Variants in IL18RAP observed in about 807,000 individuals in gnomAD.
IL18RAP encodes interleukin 18 receptor accessory protein.
A neutral mutation model predicts 58.1 loss-of-function variants in IL18RAP; 37 were observed. That is an observed-to-expected ratio of 0.64 (90% CI 0.49 to 0.84). The LOEUF (loss-of-function observed/expected upper bound fraction) is 0.84, where lower values mean the gene tolerates loss of function less well. Among genes scored for constraint, IL18RAP ranks in the 40% least tolerant of loss-of-function variants. The probability of loss-of-function intolerance (pLI) is 0.00; values close to 1 mark genes in which losing one functional copy is unlikely to be tolerated. For missense variants in IL18RAP, 667 were observed against 704.8 expected (o/e 0.95, Z 0.61); for synonymous variants, 268 against 257.5 (o/e 1.04, Z -0.39).
chr2:102,451,707 C>A, intron 9 of IL18RAP, 59 bp from the exon 10 acceptor site: 1 of 1,393,304 alleles, frequency 7.2e-7, no homozygotes. Context: ...ATTGCAAGGA[C>A]CTCTCTGACT....
chr2:102,432,599 T>A (rs1165398049), intron 3 of IL18RAP, among the ~76,000 whole-genome samples: 1 of 152,084 alleles, frequency 6.6e-6, no homozygotes, highest in Non-Finnish European at 1.5e-5. Flanking sequence ...GTGGGCTTGA[T>A]CTTACCCCTG....
At chr2:102,442,752 T>A (rs1683182418) in intron 5 of IL18RAP, among the ~76,000 whole-genome samples, 1 of 152,184 alleles carries the variant, frequency 6.6e-6, no homozygotes, top group Non-Finnish European at 1.5e-5. Flanking sequence ...ATAATTTTTT[T>A]ATTTAAACCA....
chr2:102,436,819 G>GTGTATATATA (rs1553404995), intron 3 of IL18RAP, among the ~76,000 whole-genome samples: 117 of 149,984 alleles, frequency 7.8e-4, no homozygotes, highest in African/African-American at 2.7e-3. Flanking sequence ...GTGTGTGTGT[G>GTGTATATATA]TATATATATA....
intron 2 of IL18RAP, 32 bp downstream of exon 2, chr2:102,424,167 A>G: frequency 6.2e-7 from 1 of 1,606,568 alleles, no homozygotes; most frequent in East Asian, 2.2e-5. Flanking sequence ...ATCTGAAAAC[A>G]TTTCCAAATC....
Position 102,441,164 on chromosome 2 carries a change from C to T in IL18RAP, c.731-148C>T, listed in dbSNP as rs745906079. ...GGGGGCAAGCTTTTTACATGGAAACCGGAATTCCTAACTTACAGGTAATTA... is the reference window on the plus strand; with the variant it reads ...GGGGGCAAGCTTTTTACATGGAAACTGGAATTCCTAACTTACAGGTAATTA... On this transcript the variant is annotated intron_variant, in intron 4 of 9. Coordinates refer to ENST00000687160, the MANE Select transcript of IL18RAP (RefSeq NM_001393487.1). 105 of 583,834 alleles carry T rather than the reference C, an allele frequency of 1.8e-4. 1 individual carries two copies. The South Asian group carries it at 1.8e-3, about 10-fold the overall frequency. 36.2% of individuals were successfully genotyped at this position (583,834 alleles called of 1,614,324 possible).
chr2:102,443,349 T>C (rs141220224), intron 6 of IL18RAP, 26 bp downstream of exon 6: 1 of 1,606,862 alleles, frequency 6.2e-7, no homozygotes, highest in Non-Finnish European at 8.5e-7. Context: ...ACGGATTCTG[T>C]TCTCTGCAAT....
At chr2:102,442,434 C>T (rs1464652407) in intron 5 of IL18RAP, among the ~76,000 whole-genome samples, 1 of 151,958 alleles carries the variant, frequency 6.6e-6, no homozygotes, top group Admixed American at 6.6e-5. Flanking sequence ...CTAGAAATAG[C>T]ACTAACTATG....
chr2:102,437,807 A>G (rs577218220), intron 4 of IL18RAP, among the ~76,000 whole-genome samples: 1 of 152,330 alleles, frequency 6.6e-6, no homozygotes, highest in East Asian at 1.9e-4. Context: ...ACAGTATAGT[A>G]ACATCTTGTC....
chr2:102,421,502 C>G (rs748835843), upstream of IL18RAP, among the ~76,000 whole-genome samples: 3 of 152,136 alleles, frequency 2.0e-5, no homozygotes, highest in Admixed American at 6.5e-5. Flanking sequence ...GAGGACTGTT[C>G]TTTCGGAGAC....
At chr2:102,450,022 G>C (rs1683665580) in intron 8 of IL18RAP, among the ~76,000 whole-genome samples, 2 of 152,046 alleles carry the variant, frequency 1.3e-5, no homozygotes, top group Non-Finnish European at 2.9e-5. Context: ...CTACTAAATA[G>C]CATCAGCAAT....
chr2:102,429,665 G>A lies in IL18RAP; in HGVS notation c.579+5251G>A, dbSNP rs1431065004. 2.0e-5 allele frequency among the ~76,000 whole-genome samples: 3 copies of A among 151,662 alleles called. No homozygotes were observed. In the East Asian group the frequency reaches 5.8e-4, roughly 29 times the overall value. On this transcript the variant is annotated intron_variant, in intron 3 of 9. Transcript: ENST00000687160. Reference sequence around the variant, plus strand: ...ACATCTTTCTGTGTATCATTAGATTGCTTATTTGAAATCTTTCCTGTGTTT... The same window carrying A: ...ACATCTTTCTGTGTATCATTAGATTACTTATTTGAAATCTTTCCTGTGTTT...
At chr2:102,448,656 G>A (rs182140569) in intron 8 of IL18RAP, among the ~76,000 whole-genome samples, 2 of 152,234 alleles carry the variant, frequency 1.3e-5, no homozygotes, top group East Asian at 1.9e-4. Flanking sequence ...GGAAGAAAGG[G>A]TGAATAAAGA....
At chr2:102,433,245 T>C (rs1341180447) in intron 3 of IL18RAP, among the ~76,000 whole-genome samples, 2 of 152,192 alleles carry the variant, frequency 1.3e-5, no homozygotes, top group Non-Finnish European at 2.9e-5. Context: ...GTTTTAGAGA[T>C]AGGATCTTAT....
rs149075315 is a variant in IL18RAP at position 102,451,922 on chromosome 2, T to A, written c.1541T>A (p.Phe514Tyr). The A allele has an allele frequency of 4.8e-5, 78 of 1,614,178 alleles. No individual in the cohort carries two copies. The African/African-American group carries it at 9.3e-4, about 19-fold the overall frequency. ...ACACTGAAACTCATTTTAATTAAGT[T>A]CTGTTACTTCCAAGAGCCAGAGTCT... ...DQTLKLILIK[F>Y]CYFQEPESLP... The change falls in exon 10 of 10, where the codon TTC (phenylalanine) becomes TAC (tyrosine). Residue 514 changes from phenylalanine to tyrosine, a missense_variant. By Grantham distance (22) the Phe-to-Tyr change is conservative. Coordinates refer to ENST00000687160, the MANE Select transcript of IL18RAP (RefSeq NM_001393487.1).
At chr2:102,427,996 A>G (rs756003763) in intron 3 of IL18RAP, among the ~76,000 whole-genome samples, 1 of 141,892 alleles carries the variant, frequency 7.0e-6, no homozygotes, top group South Asian at 2.2e-4. Flanking sequence ...TTTTTTTTTT[A>G]ATTTATTGAC....
At chr2:102,440,483 G>C (rs907975800) in intron 4 of IL18RAP, 83 of 152,326 alleles carry the variant, frequency 5.4e-4, no homozygotes, top group African/African-American at 1.9e-3. Flanking sequence ...GAGGGAATTA[G>C]CACATAGAAC....
intron 5 of IL18RAP, among the ~76,000 whole-genome samples, chr2:102,442,966 G>T (rs1683193832): frequency 6.6e-6 from 1 of 152,126 alleles, no homozygotes; most frequent in African/African-American, 2.4e-5. Flanking sequence ...TTCATTTTAA[G>T]AACATATAGT....
chr2:102,450,830 A>T lies in IL18RAP; in HGVS notation c.1211-18A>T, dbSNP rs752619228. ...AGAGTAAATGACTTATGTTTTTATA[A>T]ATTTTCCTATTCTTCAGATAAAAAG... On this transcript the variant is annotated intron_variant, in intron 8 of 9. Transcript: ENST00000687160. The T allele has an allele frequency of 4.6e-6, 7 of 1,533,088 alleles. No individual in the cohort carries two copies. In the South Asian group the frequency reaches 7.6e-5, roughly 17 times the overall value. 95.0% of individuals were successfully genotyped at this position (1,533,088 alleles called of 1,614,324 possible).
chr2:102,448,516 G>A (rs1683567495), intron 8 of IL18RAP, among the ~76,000 whole-genome samples: 1 of 152,184 alleles, frequency 6.6e-6, no homozygotes, highest in African/African-American at 2.4e-5. Flanking sequence ...AAATGACTCT[G>A]TTGCTTGGAA....
Sources: allele counts gnomAD v4.1 joint callset (sites outside exome capture counted in the v4.1 genomes callset), GRCh38; gene constraint gnomAD v4.1.1; transcripts MANE v1.5; gene names NCBI Gene and HGNC (gene_info 2026-07-23, HGNC 2026-07-21).